PACSIN2: variants seen among roughly 807,000 people sequenced by gnomAD.
PACSIN2 encodes protein kinase C and casein kinase substrate in neurons 2.
PACSIN2 carries 25 observed loss-of-function variants against 63.8 expected under a neutral mutation model. The observed-to-expected ratio is 0.39, with a 90% CI of 0.29 to 0.55. PACSIN2 has a LOEUF of 0.55. PACSIN2 is among the 20% of genes least tolerant of loss of function. The pLI is 0.62. For synonymous variants in PACSIN2, 255 were observed against 256.2 expected (o/e 1.00, Z 0.05); for missense variants, 518 against 646.9 (o/e 0.80, Z 2.16).
intron 1 of PACSIN2, among the ~76,000 whole-genome samples, chr22:42,928,132 C>G (rs1932653142): frequency 6.7e-6 from 1 of 150,014 alleles, no homozygotes. Context: ...ATCTGACATC[C>G]TCAATCTACA....
At chr22:42,927,554 C>CTTTT (rs1348877131) in intron 1 of PACSIN2, among the ~76,000 whole-genome samples, 1 of 150,466 alleles carries the variant, frequency 6.6e-6, no homozygotes, top group African/African-American at 2.5e-5. Context: ...TGGCCCCAGT[C>CTTTT]TTTTATTTAT....
At chr22:42,947,194 G>C (rs1423910406) in intron 1 of PACSIN2, among the ~76,000 whole-genome samples, 1 of 152,178 alleles carries the variant, frequency 6.6e-6, no homozygotes, top group Admixed American at 6.5e-5. Context: ...CTTTGTTCAG[G>C]TCAGAAAATA....
At position 42,871,486 on chromosome 22, in the gene PACSIN2, G is replaced by C; in HGVS notation, c.1349-17C>G. On this transcript the variant is annotated splice_polypyrimidine_tract_variant and intron_variant, in intron 10 of 10. Coordinates refer to ENST00000263246, the MANE Select transcript of PACSIN2 (RefSeq NM_001184970.3). The surrounding 1 kb of genome is among the most constrained non-coding windows in gnomAD (Gnocchi z 5.4). ...GCTCATCCCCTGCAAGACAAAGAGG[G>C]AGCCGTCTCCATGAGAGGTATGACA... The C allele has an allele frequency of 6.3e-7, 1 of 1,584,194 alleles. No individual in the cohort carries two copies. The highest frequency in any genetic ancestry group is 8.7e-7 in the Non-Finnish European group (1 of 1,152,556).
At position 42,932,882 on chromosome 22, in the gene PACSIN2, A is replaced by G. The variant is rs1006274340; in HGVS notation, c.-77-20725T>C. On this transcript the variant is annotated intron_variant, in intron 1 of 10. Transcript: ENST00000263246. Reference sequence around the variant, plus strand: ...CACCCCCCTGTCCACATGCCACTAGAAGTCCACACTTTCCACACTTTTATT... The same window carrying G: ...CACCCCCCTGTCCACATGCCACTAGGAGTCCACACTTTCCACACTTTTATT... Among the ~76,000 whole-genome samples the G allele has an allele frequency of 3.9e-5, 6 of 152,260 alleles. 1 individual carries two copies. Among genetic ancestry groups the G allele is most frequent in the East Asian group, 3.9e-4 (2 of 5,188 alleles).
At position 42,871,626 on chromosome 22, in the gene PACSIN2, C is replaced by A. The variant is rs957218432; in HGVS notation, c.1349-157G>T. 6.6e-6 allele frequency among the ~76,000 whole-genome samples: 1 copy of A among 152,174 alleles called. No individual in the cohort carries two copies. The highest frequency in any genetic ancestry group is 1.5e-5 in the Non-Finnish European group (1 of 68,032). On this transcript the variant is annotated intron_variant, in intron 10 of 10. Transcript: ENST00000263246. This position sits in a 1 kb window ranked among gnomAD's most constrained non-coding sequence, Gnocchi z 5.4. ...TGGTCATTTCTCTACTAAATGCATG[C>A]ATTTTAAGTTGCCTCTTTGGTCATG...
At chr22:42,937,510 C>T (rs998311217) in intron 1 of PACSIN2, among the ~76,000 whole-genome samples, 13 of 152,276 alleles carry the variant, frequency 8.5e-5, no homozygotes, top group African/African-American at 3.1e-4. Context: ...CACCTCTGAG[C>T]CCCTGCCTAG....
chr22:42,910,810 C>T (rs1256144383), intron 2 of PACSIN2, among the ~76,000 whole-genome samples: 1 of 152,206 alleles, frequency 6.6e-6, no homozygotes, highest in Admixed American at 6.5e-5. Context: ...TGCCTTTCCA[C>T]ATTTATTTCT....
At chr22:42,883,743 C>T (rs548167187) in intron 6 of PACSIN2, among the ~76,000 whole-genome samples, 4 of 152,338 alleles carry the variant, frequency 2.6e-5, no homozygotes, top group South Asian at 2.1e-4. Flanking sequence ...CGGTGGCTCA[C>T]GCCTGTAATC....
intron 1 of PACSIN2, among the ~76,000 whole-genome samples, chr22:42,912,787 T>TC (rs1931548142): frequency 6.6e-6 from 1 of 152,210 alleles, no homozygotes; most frequent in African/African-American, 2.4e-5. Flanking sequence ...TGATGACCTG[T>TC]CCGCAGCCGA....
intron 1 of PACSIN2, among the ~76,000 whole-genome samples, chr22:43,005,007 GCT>G (rs1448164033): frequency 6.6e-6 from 1 of 152,188 alleles, no homozygotes; most frequent in African/African-American, 2.4e-5. Flanking sequence ...AGACAACCAA[GCT>G]CTTTTTATTT....
intron 6 of PACSIN2, among the ~76,000 whole-genome samples, chr22:42,884,000 C>T (rs902521390): frequency 6.8e-5 from 10 of 147,122 alleles, no homozygotes; most frequent in African/African-American, 1.3e-4. Flanking sequence ...AGCAAGACTC[C>T]GTCTCAAAAA....
At chr22:42,952,670 T>TATA (rs1284582237) in intron 1 of PACSIN2, among the ~76,000 whole-genome samples, 2 of 150,638 alleles carry the variant, frequency 1.3e-5, no homozygotes, top group African/African-American at 4.9e-5. Flanking sequence ...TTTATTTATT[T>TATA]TTTTTTTTTT....
intron 1 of PACSIN2, among the ~76,000 whole-genome samples, chr22:42,949,601 A>G (rs142920143): frequency 6.6e-6 from 1 of 152,218 alleles, no homozygotes; most frequent in East Asian, 1.9e-4. Flanking sequence ...ATATTATCTG[A>G]GAAGCCCTGA....
chr22:42,882,008 G>GC (rs1929112255), intron 7 of PACSIN2, among the ~76,000 whole-genome samples, 176 bp downstream of exon 7: 2 of 152,330 alleles, frequency 1.3e-5, no homozygotes, highest in South Asian at 2.1e-4. Context: ...AATGCCTGCA[G>GC]CCCCCCAGGA....
intron 1 of PACSIN2, among the ~76,000 whole-genome samples, chr22:42,994,554 AG>A (rs1273442401): frequency 3.3e-5 from 5 of 152,228 alleles, no homozygotes; most frequent in African/African-American, 1.2e-4. Context: ...GCCTACCCTC[AG>A]CAGGACACGC....
rs555157345 is a variant in PACSIN2, at chr22:42,993,966, C to G, written c.-78+21055G>C. On this transcript the variant is annotated intron_variant, in intron 1 of 10. Transcript: ENST00000263246. ...GCTGCTCACCCCCAAGCCACAGTAT[C>G]TGTGGTTTGCTGCTGGGACAAGTTC... 2.0e-4 allele frequency among the ~76,000 whole-genome samples: 30 copies of G among 152,348 alleles called. 1 individual carries two copies. Among genetic ancestry groups the G allele is most frequent in the African/African-American group, 7.2e-4 (30 of 41,576 alleles).
Position 42,875,986 on chromosome 22 carries a change from T to A in PACSIN2, c.1348+151A>T, listed in dbSNP as rs557782959. 1.4e-4 allele frequency: 92 copies of A among 644,354 alleles called. No homozygotes were observed. In the African/African-American group the frequency reaches 1.7e-3, roughly 12 times the overall value. 39.9% of individuals were successfully genotyped at this position (644,354 alleles called of 1,614,324 possible). ...CCACATCCAGCCAATTGGCTGCTTT[T>A]GACAATGAAGCCAGGGCACTGGGGA... On this transcript the variant is annotated intron_variant, in intron 10 of 10. Transcript: ENST00000263246.
intron 5 of PACSIN2, among the ~76,000 whole-genome samples, chr22:42,886,960 C>T (rs1263930040): frequency 5.3e-5 from 8 of 152,232 alleles, no homozygotes; most frequent in African/African-American, 2.4e-5. Context: ...ATCTCTGTCT[C>T]CCTTTCTCTC....
chr22:42,888,294 C>A (rs1195640162), intron 5 of PACSIN2, among the ~76,000 whole-genome samples: 1 of 152,078 alleles, frequency 6.6e-6, no homozygotes, highest in Non-Finnish European at 1.5e-5. Flanking sequence ...TTCACACCTG[C>A]CACCAGCCAC....
Sources: allele counts gnomAD v4.1 joint callset (sites outside exome capture counted in the v4.1 genomes callset), GRCh38; gene constraint gnomAD v4.1.1; non-coding constraint Gnocchi (gnomAD v3.1); transcripts MANE v1.5; gene names NCBI Gene and HGNC (gene_info 2026-07-23, HGNC 2026-07-21).